The following FBN2 variants were observed in gnomAD, a reference collection of about 807,000 sequenced individuals.
The protein encoded by FBN2 is fibrillin 2.
Under a neutral mutation model 355.6 loss-of-function variants are expected in FBN2, and 105 were observed. The ratio of observed to expected loss-of-function variants is 0.30; its 90% confidence interval spans 0.25 to 0.35. The LOEUF is 0.35. FBN2 is among the 10% of genes least tolerant of loss of function. The pLI is 1.00. For missense variants in FBN2, 3,280 were observed against 3,758.7 expected, an observed-to-expected ratio of 0.87 and a Z score of 3.33; for synonymous variants, 1,350 against 1,301.2, an observed-to-expected ratio of 1.04 and a Z score of -0.81.
intron 48 of FBN2, 145 bp from the exon 49 acceptor site, chr5:128,291,799 A>G: frequency 1.1e-6 from 1 of 879,202 alleles, no homozygotes; most frequent in South Asian, 1.5e-5. Flanking sequence ...ATAAACTATT[A>G]TTGCTTCAGA....
intron 39 of FBN2, among the ~76,000 whole-genome samples, chr5:128,310,365 CATATATATATAT>C (rs1178825562): frequency 1.2e-4 from 7 of 57,216 alleles, no homozygotes; most frequent in South Asian, 6.7e-4. Flanking sequence ...TTCCTTGGCA[CATATATATATAT>C]ATATATATAT....
At chr5:128,441,154 T>C (rs1054270666) in intron 7 of FBN2, among the ~76,000 whole-genome samples, 2 of 152,200 alleles carry the variant, frequency 1.3e-5, no homozygotes, top group African/African-American at 4.8e-5. Flanking sequence ...ATGATGCTTT[T>C]TCCAATCACG....
chr5:128,305,611 A>G lies in FBN2; in HGVS notation c.5574T>C (p.Asp1858=), dbSNP rs757483263. ...AGTCTGCATTCCGCTGGCAGAGATT[A>G]TCACCATTGCTGCACTCATCTATAT... ...CEDIDECSNG[D]NLCQRNADCI... is the part of the protein sequence containing the mutation. Residue 1858 remains aspartate, a synonymous_variant, in exon 44 of 65, where the codon GAT becomes GAC. Coordinates refer to ENST00000262464, the MANE Select transcript of FBN2 (RefSeq NM_001999.4). 69 of 1,613,908 alleles carry G rather than the reference A, an allele frequency of 4.3e-5. No individual in the cohort carries two copies. The highest frequency in any genetic ancestry group is 5.5e-5 in the Non-Finnish European group (65 of 1,179,906).
At chr5:128,529,287 T>A (rs903539881) in intron 3 of FBN2, among the ~76,000 whole-genome samples, 3 of 151,890 alleles carry the variant, frequency 2.0e-5, no homozygotes, top group Non-Finnish European at 4.4e-5. Flanking sequence ...AAACCTTGAA[T>A]GAAAGACTGA....
intron 7 of FBN2, among the ~76,000 whole-genome samples, chr5:128,438,729 G>C (rs895947889): frequency 2.0e-5 from 3 of 152,066 alleles, no homozygotes; most frequent in Non-Finnish European, 4.4e-5. Flanking sequence ...AATTCACTGA[G>C]GGCTCAAGAA....
intron 5 of FBN2, among the ~76,000 whole-genome samples, chr5:128,468,587 G>A (rs1754775005): frequency 6.6e-6 from 1 of 152,180 alleles, no homozygotes; most frequent in South Asian, 2.1e-4. Context: ...CCTCAGCAAT[G>A]TATGAGGGTT....
At chr5:128,353,121 T>A (rs987951943) in intron 20 of FBN2, among the ~76,000 whole-genome samples, 11 of 151,644 alleles carry the variant, frequency 7.3e-5, no homozygotes, top group African/African-American at 2.4e-4. Flanking sequence ...TGCAGTGAGA[T>A]CGTGTCACTG....
intron 22 of FBN2, 120 bp downstream of exon 22, chr5:128,349,835 T>C (rs1412775220): frequency 6.9e-5 from 56 of 813,022 alleles, no homozygotes; most frequent in Non-Finnish European, 1.5e-5. Flanking sequence ...ACATCGAGTA[T>C]TTTTATTGAA....
chr5:128,536,575 G>C, intron 1 of FBN2, 91 bp from the exon 2 acceptor site: 2 of 861,612 alleles, frequency 2.3e-6, no homozygotes, highest in Admixed American at 4.0e-5. Flanking sequence ...CGAGCGAGTA[G>C]ATTTCAGGAC....
At chr5:128,312,963 T>G (rs1377983446) in intron 36 of FBN2, among the ~76,000 whole-genome samples, 168 bp from the exon 37 acceptor site, 1 of 152,188 alleles carries the variant, frequency 6.6e-6, no homozygotes, top group Non-Finnish European at 1.5e-5. Flanking sequence ...TTTTTCGAGA[T>G]TGAGTCAGAG....
At chr5:128,475,222 A>G (rs936647130) in intron 5 of FBN2, among the ~76,000 whole-genome samples, 1 of 152,174 alleles carries the variant, frequency 6.6e-6, no homozygotes, top group Non-Finnish European at 1.5e-5. Context: ...GTACTGTGTT[A>G]CCTGCTTTGC....
chr5:128,361,746 C>T lies in FBN2; in HGVS notation c.2531G>A (p.Arg844Lys). 1.2e-6 allele frequency: 2 copies of T among 1,614,148 alleles called. No individual in the cohort carries two copies. Among genetic ancestry groups the T allele is most frequent in the East Asian group, 2.2e-5 (1 of 44,884 alleles). The stretch of plus-strand genomic sequence containing the variant: ...ACCTTCACAGGTCTCTGTCTCAGTC[C>T]TGAACACATACCCTGGTGGGCACGT... The part of the protein sequence containing the change: ...SCTCPPGYVF[R>K]TETETCEDIN... Residue 844 changes from arginine (R) to lysine (K), a missense_variant, in exon 19 of 65, where the codon AGG becomes AAG. Physicochemically the swap from Arg to Lys is conservative, Grantham distance 26. This residue lies in a region of FBN2 where 2,284 missense variants were observed against 2,749.5 expected (regional missense o/e 0.83). Transcript: ENST00000262464.
In FBN2 at chr5:128,537,642, A is replaced by G; in HGVS notation, c.-39T>C. 6.3e-7 allele frequency: 1 copy of G among 1,590,506 alleles called. No individual in the cohort carries two copies. Among genetic ancestry groups the G allele is most frequent in the South Asian group, 1.1e-5 (1 of 89,518 alleles). ...AGCGCGCGGCCGTAGACCCGCGGAG[A>G]GGGAGTGATCAAAGACAAAATCTGC... is the stretch of plus-strand genomic sequence containing the variant. On this transcript the variant is annotated 5_prime_UTR_variant, in exon 1 of 65. Transcript: ENST00000262464.
intron 4 of FBN2, among the ~76,000 whole-genome samples, chr5:128,524,629 A>G (rs1028459722): frequency 3.9e-5 from 6 of 152,184 alleles, no homozygotes; most frequent in African/African-American, 1.2e-4. Flanking sequence ...CATAAATTGA[A>G]AAATGTTCCA....
At chr5:128,509,490 A>AATACCTT (rs1756054733) in intron 5 of FBN2, among the ~76,000 whole-genome samples, 1 of 152,126 alleles carries the variant, frequency 6.6e-6, no homozygotes, top group Admixed American at 6.6e-5. Context: ...GGACATAAGG[A>AATACCTT]ATACCTTATA....
At chr5:128,476,325 T>C (rs1438552244) in intron 5 of FBN2, among the ~76,000 whole-genome samples, 1 of 152,074 alleles carries the variant, frequency 6.6e-6, no homozygotes, top group African/African-American at 2.4e-5. Flanking sequence ...TAGATTTTAA[T>C]CAAACAATGA....
intron 5 of FBN2, among the ~76,000 whole-genome samples, chr5:128,484,957 A>AT (rs1755297113): frequency 2.0e-5 from 3 of 152,196 alleles, no homozygotes; most frequent in African/African-American, 7.2e-5. Context: ...GAAGATACAT[A>AT]CGCATATAAC....
chr5:128,509,867 A>C (rs1437049090), intron 5 of FBN2, among the ~76,000 whole-genome samples: 1 of 151,464 alleles, frequency 6.6e-6, no homozygotes, highest in Non-Finnish European at 1.5e-5. Context: ...GTGACCCTCT[A>C]ATCTGGTTAG....
At position 128,537,635 on chromosome 5, in the gene FBN2, C is replaced by T. The variant is rs1298283094; in HGVS notation, c.-32G>A. The T allele has an allele frequency of 2.5e-6, 4 of 1,597,744 alleles. No individual in the cohort carries two copies. Among genetic ancestry groups the T allele is most frequent in the Non-Finnish European group, 3.4e-6 (4 of 1,172,608 alleles). ...CGCCGAAAGCGCGCGGCCGTAGACCCGCGGAGAGGGAGTGATCAAAGACAA... is the reference window on the plus strand; with the variant it reads ...CGCCGAAAGCGCGCGGCCGTAGACCTGCGGAGAGGGAGTGATCAAAGACAA... On this transcript the variant is annotated 5_prime_UTR_variant, in exon 1 of 65. Transcript: ENST00000262464.
Sources: gnomAD v4.1 joint callset for allele counts (sites outside exome capture counted in the v4.1 genomes callset) on GRCh38, gnomAD v4.1.1 for gene constraint, gnomAD v4.1.1 regional missense constraint, MANE v1.5 for transcripts, NCBI Gene and HGNC (gene_info 2026-07-23, HGNC 2026-07-21) for gene names.